TRPC4AP: variants seen among roughly 807,000 people sequenced by gnomAD.
TRPC4AP encodes transient receptor potential cation channel subfamily C member 4 associated protein.
TRPC4AP carries 45 observed loss-of-function variants against 99.0 expected under a neutral mutation model. The ratio of observed to expected loss-of-function variants is 0.45; its 90% confidence interval spans 0.36 to 0.58. TRPC4AP has a LOEUF of 0.58. TRPC4AP is among the 20% of genes least tolerant of loss of function. The probability of loss-of-function intolerance (pLI) is 0.00; values close to 1 mark genes in which losing one functional copy is unlikely to be tolerated. For missense variants in TRPC4AP, 879 were observed against 985.3 expected (o/e 0.89, Z 1.44); for synonymous variants, 408 against 385.8 (o/e 1.06, Z -0.67).
intron 6 of TRPC4AP, among the ~76,000 whole-genome samples, chr20:35,045,140 A>AT (rs543002187): frequency 5.9e-5 from 9 of 151,982 alleles, no homozygotes; most frequent in Non-Finnish European, 1.5e-5. Flanking sequence ...ATCCAGTCGC[A>AT]TTTTTTTCTC....
At chr20:35,091,681 C>G (rs180907070) in intron 1 of TRPC4AP, among the ~76,000 whole-genome samples, 73 of 152,236 alleles carry the variant, frequency 4.8e-4, no homozygotes, top group African/African-American at 1.3e-3. Context: ...ACCTGGTTTA[C>G]CCTAAAGCAG....
chr20:35,009,466 A>ACC (rs769945991), intron 12 of TRPC4AP, among the ~76,000 whole-genome samples: 5 of 143,780 alleles, frequency 3.5e-5, no homozygotes, highest in Non-Finnish European at 7.7e-5. Context: ...ACATAGTGAG[A>ACC]CCCCATCTCT....
rs35372826 is a variant in TRPC4AP at position 35,029,628 on chromosome 20, C to CTTTTTTTTTTTTT, written c.1051+5482_1051+5494dup. ...TTTACTATATTTCCCAAGTTACTTT[C>CTTTTTTTTTTTTT]TTTTTTTTTTTTTTTTTTTTTTTTT... is the stretch of plus-strand genomic sequence containing the variant. On this transcript the variant is annotated intron_variant, in intron 8 of 18. Transcript: ENST00000252015. 1.5e-4 allele frequency among the ~76,000 whole-genome samples: 6 copies of CTTTTTTTTTTTTT among 39,390 alleles called. 1 individual carries two copies. The highest frequency in any genetic ancestry group is 2.1e-4 in the Non-Finnish European group (5 of 23,650). 25.8% of individuals were successfully genotyped at this position (39,390 alleles called of 152,430 possible).
Position 35,044,541 on chromosome 20 carries a change from A to C in TRPC4AP, c.829T>G (p.Leu277Val). The C allele has an allele frequency of 6.2e-7, 1 of 1,614,204 alleles. No individual in the cohort carries two copies. Among genetic ancestry groups the C allele is most frequent in the Non-Finnish European group, 8.5e-7 (1 of 1,180,028 alleles). ...LAKNAQQKKSLSLGPSAAEIN... is the reference protein window; with the variant it reads ...LAKNAQQKKSVSLGPSAAEIN... ...TCAGCTGCAGAAGGCCCCAAACTCA[A>C]GCTCTTCTTCTGTTGAGCATTTTTG... is the stretch of plus-strand genomic sequence containing the variant. The change falls in exon 7 of 19, where the codon TTG becomes GTG. Residue 277 changes from leucine (L) to valine (V), a missense_variant. Leu to Val is a conservative substitution (Grantham distance 32, BLOSUM62 1). Transcript: ENST00000252015.
chr20:35,069,212 C>T (rs1339935248), intron 3 of TRPC4AP, 84 bp downstream of exon 3: 1 of 765,220 alleles, frequency 1.3e-6, no homozygotes, highest in African/African-American at 1.8e-5. Context: ...ATTCTGAAAT[C>T]TTTCCTATCT....
At chr20:35,012,363 C>A (rs1028563164) in intron 11 of TRPC4AP, among the ~76,000 whole-genome samples, 2 of 152,220 alleles carry the variant, frequency 1.3e-5, no homozygotes, top group African/African-American at 4.8e-5. Context: ...AGTTATGCAA[C>A]AGTGGGCCCA....
intron 6 of TRPC4AP, among the ~76,000 whole-genome samples, chr20:35,047,718 C>A (rs959673887): frequency 1.1e-4 from 17 of 152,164 alleles, no homozygotes; most frequent in African/African-American, 4.1e-4. Flanking sequence ...AAAAAATACC[C>A]TTACACAATA....
chr20:35,040,111 T>C (rs1398863638), intron 7 of TRPC4AP, among the ~76,000 whole-genome samples: 1 of 151,752 alleles, frequency 6.6e-6, no homozygotes, highest in Non-Finnish European at 1.5e-5. Context: ...ATTCATACGT[T>C]GAAGCTCTAG....
chr20:35,003,634 C>T lies in TRPC4AP; in HGVS notation c.2050-18G>A, dbSNP rs977617045. On this transcript the variant is annotated intron_variant, in intron 17 of 18. Coordinates refer to ENST00000252015, the MANE Select transcript of TRPC4AP (RefSeq NM_015638.3). ...ACGTTCTCCTGCAAGGCCACAGGCCCACAGGGTCAGGGGCTGGTGGGAGCC... is the reference window on the plus strand; with the variant it reads ...ACGTTCTCCTGCAAGGCCACAGGCCTACAGGGTCAGGGGCTGGTGGGAGCC... The T allele has an allele frequency of 3.7e-6, 6 of 1,609,224 alleles. No homozygotes were observed. The highest frequency in any genetic ancestry group is 5.1e-6 in the Non-Finnish European group (6 of 1,178,360).
intron 8 of TRPC4AP, among the ~76,000 whole-genome samples, chr20:35,029,550 T>C (rs940199821): frequency 5.3e-5 from 8 of 151,886 alleles, no homozygotes; most frequent in African/African-American, 1.9e-4. Flanking sequence ...TCCTTTAGTG[T>C]TTCTTTTGAT....
intron 17 of TRPC4AP, among the ~76,000 whole-genome samples, chr20:35,003,998 G>GTT (rs990011918): frequency 6.6e-6 from 1 of 152,182 alleles, no homozygotes; most frequent in Non-Finnish European, 1.5e-5. Flanking sequence ...TGGGGAAAGA[G>GTT]TTCTGCCCCA....
intron 4 of TRPC4AP, 137 bp from the exon 5 acceptor site, chr20:35,055,168 C>T: frequency 2.9e-6 from 2 of 699,296 alleles, no homozygotes; most frequent in South Asian, 2.2e-5. Context: ...CTTCTTCCAG[C>T]CCCTGTCTAC....
At chr20:35,028,331 G>C (rs184079931) in intron 8 of TRPC4AP, among the ~76,000 whole-genome samples, 2 of 151,520 alleles carry the variant, frequency 1.3e-5, no homozygotes, top group African/African-American at 4.9e-5. Context: ...GACCTTAAGC[G>C]ACCCGCCTCC....
At position 35,092,623 on chromosome 20, in the gene TRPC4AP, C is replaced by T. The variant is rs755883820; in HGVS notation, c.159G>A (p.Arg53=). The T allele has an allele frequency of 2.0e-6, 3 of 1,512,894 alleles. No homozygotes were observed. Among genetic ancestry groups the T allele is most frequent in the South Asian group, 2.4e-5 (2 of 82,218 alleles). The allele number at this position is 1,512,894 out of a possible 1,614,324, so 93.7% of individuals were successfully genotyped here. Residue 53 remains arginine, a synonymous_variant, in exon 1 of 19, where the codon CGG becomes CGA. Coordinates refer to ENST00000252015, the MANE Select transcript of TRPC4AP (RefSeq NM_015638.3). The stretch of plus-strand genomic sequence containing the variant: ...TGGTCCAGCCTCGTACCTGCACCGC[C>T]CGGACCAGGCCCCGGCCGGTCAGCT... ...QGQLTGRGLV[R]AVQFTETFLT... is the part of the protein sequence containing the mutation.
In TRPC4AP at chr20:35,004,557, C is replaced by T; in HGVS notation, c.1950G>A (p.Leu650=). The change falls in exon 17 of 19, where the codon CTG becomes CTA. Residue 650 remains leucine, a synonymous_variant. Transcript: ENST00000252015. ...NQVDMKVAEV[L]SECRLLAYIS... ...TGTAGGCGAGCAGGCGGCATTCAGACAGTACCTCGGCAACTGTGGAGGGAG... is the reference window on the plus strand; with the variant it reads ...TGTAGGCGAGCAGGCGGCATTCAGATAGTACCTCGGCAACTGTGGAGGGAG... 6 of 1,613,846 alleles carry T rather than the reference C, an allele frequency of 3.7e-6. No individual in the cohort carries two copies. Among genetic ancestry groups the T allele is most frequent in the Non-Finnish European group, 5.1e-6 (6 of 1,179,842 alleles).
intron 8 of TRPC4AP, among the ~76,000 whole-genome samples, chr20:35,032,473 T>C (rs1326251623): frequency 7.0e-6 from 1 of 143,200 alleles, no homozygotes; most frequent in Non-Finnish European, 1.5e-5. Flanking sequence ...TGATCTTTTT[T>C]TTTTTTTTTT....
intron 5 of TRPC4AP, 104 bp from the exon 6 acceptor site, chr20:35,050,098 C>T: frequency 7.8e-7 from 1 of 1,283,402 alleles, no homozygotes; most frequent in Non-Finnish European, 1.1e-6. Context: ...CCTCTGAAAA[C>T]TGGCATGAGT....
In TRPC4AP at chr20:35,050,760, C is replaced by T. The variant is rs192808135; in HGVS notation, c.529-766G>A. ...AACCAACAACAACAAAAAAACAAAACCCCCAAGGGGTATGAAGGAAGTTAA... is the reference window on the plus strand; with the variant it reads ...AACCAACAACAACAAAAAAACAAAATCCCCAAGGGGTATGAAGGAAGTTAA... On this transcript the variant is annotated intron_variant, in intron 5 of 18. Coordinates refer to ENST00000252015, the MANE Select transcript of TRPC4AP (RefSeq NM_015638.3). Among the ~76,000 whole-genome samples the T allele has an allele frequency of 4.4e-3, 669 of 151,136 alleles. 3 individuals are homozygous for T. Among genetic ancestry groups the T allele is most frequent in the Non-Finnish European group, 6.6e-3 (444 of 67,700 alleles).
intron 2 of TRPC4AP, among the ~76,000 whole-genome samples, chr20:35,070,116 G>A (rs1168884419): frequency 2.0e-5 from 3 of 152,090 alleles, no homozygotes; most frequent in African/African-American, 7.2e-5. Flanking sequence ...ATGTGAGAGA[G>A]ACCATTTTGG....
Sources: gnomAD v4.1 joint callset for allele counts (sites outside exome capture counted in the v4.1 genomes callset) on GRCh38, gnomAD v4.1.1 for gene constraint, MANE v1.5 for transcripts, NCBI Gene and HGNC (gene_info 2026-07-23, HGNC 2026-07-21) for gene names.